The following MRTFB variants were observed in gnomAD, a reference collection of about 807,000 sequenced individuals.
The protein encoded by MRTFB is myocardin related transcription factor B, also known as myocardin-related transcription factor B.
A neutral mutation model predicts 104.2 loss-of-function variants in MRTFB; 29 were observed. That is an observed-to-expected ratio of 0.28 (90% CI 0.21 to 0.38). The LOEUF is 0.38. Among genes scored for constraint, MRTFB ranks in the 10% least tolerant of loss-of-function variants. The pLI is 1.00. For missense variants in MRTFB, 1,270 were observed against 1,341.6 expected (o/e 0.95, Z 0.83); for synonymous variants, 535 against 519.5 (o/e 1.03, Z -0.41).
intron 3 of MRTFB, among the ~76,000 whole-genome samples, chr16:14,145,188 T>C (rs1408686898): frequency 4.0e-5 from 6 of 151,848 alleles, no homozygotes; most frequent in Non-Finnish European, 8.8e-5. Context: ...GTCTTCTTAA[T>C]GCAGTGTTTA....
rs10616011 is a variant in MRTFB, at chr16:14,193,210, CAAAAAAAAAAAAA to C, written c.155-17016_155-17004del. ...CCTGGGCAACAGTGAGACCCTGTCTCAAAAAAAAAAAAAAAAAAAAAAAAAAAAAGAATGATCA... is the reference window on the plus strand; with the variant it reads ...CCTGGGCAACAGTGAGACCCTGTCTCAAAAAAAAAAAAAAAAGAATGATCA... On this transcript the variant is annotated intron_variant, in intron 3 of 16. Transcript: ENST00000571589. 1.0e-3 allele frequency among the ~76,000 whole-genome samples: 57 copies of C among 56,446 alleles called. No homozygotes were observed. The South Asian group carries it at 0.02, about 20-fold the overall frequency. 37.0% of individuals were successfully genotyped at this position (56,446 alleles called of 152,430 possible). A position where few individuals can be genotyped will look rare whatever the true frequency, so the allele number is the denominator to read the frequency against.
At chr16:14,227,130 C>T (rs2042039877) in intron 8 of MRTFB, among the ~76,000 whole-genome samples, 1 of 152,150 alleles carries the variant, frequency 6.6e-6, no homozygotes, top group Non-Finnish European at 1.5e-5. Context: ...CTTCAAACCT[C>T]ATGTCAAAAT....
In MRTFB at chr16:14,159,870, C is replaced by T. The variant is rs544619802; in HGVS notation, c.154+19110C>T. Among the ~76,000 whole-genome samples, 6 of 136,750 alleles carry T rather than the reference C, an allele frequency of 4.4e-5. No individual in the cohort carries two copies. The South Asian group carries it at 9.3e-4, about 21-fold the overall frequency. The allele number at this position is 136,750 out of a possible 152,430, so 89.7% of individuals were successfully genotyped here. On this transcript the variant is annotated intron_variant, in intron 3 of 16. Coordinates refer to ENST00000571589, the MANE Select transcript of MRTFB (RefSeq NM_001308142.2). ...GCGTGAACCCGGGAGGCGGAGCTTG[C>T]AGTGAGCCGAGATCCCGCCACTGCA...
At chr16:14,119,668 T>C (rs1015893993) in intron 2 of MRTFB, among the ~76,000 whole-genome samples, 2 of 152,178 alleles carry the variant, frequency 1.3e-5, no homozygotes, top group Non-Finnish European at 2.9e-5. Context: ...TTTTTGCTTA[T>C]AGGAGAAAAA....
chr16:14,063,088 G>C, the MRTFB span, among the ~76,000 whole-genome samples: 11 of 152,310 alleles, frequency 7.2e-5, no homozygotes, highest in South Asian at 2.3e-3. Flanking sequence ...AGACAGATAG[G>C]TTACAGATAC....
chr16:14,097,006 G>A (rs2035413914), intron 2 of MRTFB, among the ~76,000 whole-genome samples: 1 of 152,176 alleles, frequency 6.6e-6, no homozygotes, highest in South Asian at 2.1e-4. Flanking sequence ...GTCATCATTA[G>A]CATTTATTAT....
chr16:14,136,435 G>T (rs1344419416), intron 2 of MRTFB, among the ~76,000 whole-genome samples: 1 of 152,156 alleles, frequency 6.6e-6, no homozygotes, highest in African/African-American at 2.4e-5. Context: ...GGTTCAGCTA[G>T]ACCATTGATT....
intron 3 of MRTFB, among the ~76,000 whole-genome samples, chr16:14,156,758 A>G (rs1335892982): frequency 3.3e-5 from 5 of 152,324 alleles, no homozygotes; most frequent in Admixed American, 1.3e-4. Context: ...TCTTTTCCTC[A>G]GTATTTGAAT....
At chr16:14,134,262 T>C (rs2037590813) in intron 2 of MRTFB, among the ~76,000 whole-genome samples, 1 of 152,230 alleles carries the variant, frequency 6.6e-6, no homozygotes, top group Non-Finnish European at 1.5e-5. Flanking sequence ...ATTTGCTATT[T>C]TTATAGTATA....
chr16:14,228,087 C>CCA (rs1282798676), intron 8 of MRTFB, among the ~76,000 whole-genome samples: 1 of 152,094 alleles, frequency 6.6e-6, no homozygotes, highest in Non-Finnish European at 1.5e-5. Context: ...CCACAAGATA[C>CCA]CACCTCATGC....
At chr16:14,048,348 G>T in the MRTFB span, among the ~76,000 whole-genome samples, 1 of 152,182 alleles carries the variant, frequency 6.6e-6, no homozygotes, top group Non-Finnish European at 1.5e-5. Flanking sequence ...ATATAAAGTG[G>T]TTGGTGGAGG....
chr16:14,150,579 G>A (rs1455603516), intron 3 of MRTFB, among the ~76,000 whole-genome samples: 1 of 152,144 alleles, frequency 6.6e-6, no homozygotes, highest in East Asian at 1.9e-4. Context: ...TGGGTTTAGT[G>A]TCTCACCCCT....
intron 3 of MRTFB, among the ~76,000 whole-genome samples, chr16:14,173,370 C>G (rs2039483707): frequency 6.6e-6 from 1 of 152,150 alleles, no homozygotes; most frequent in South Asian, 2.1e-4. Context: ...ATTTGCCCTA[C>G]CCTATTTCAG....
chr16:14,154,965 A>G (rs962879471), intron 3 of MRTFB, among the ~76,000 whole-genome samples: 1 of 152,184 alleles, frequency 6.6e-6, no homozygotes, highest in African/African-American at 2.4e-5. Context: ...ATTAGAAGCA[A>G]ATTACTCTAA....
intron 1 of MRTFB, among the ~76,000 whole-genome samples, chr16:14,073,050 T>C (rs1474840237): frequency 2.0e-5 from 3 of 152,220 alleles, no homozygotes; most frequent in Non-Finnish European, 4.4e-5. Context: ...GTTAACGGTG[T>C]GTGGTGTGAG....
intron 2 of MRTFB, among the ~76,000 whole-genome samples, chr16:14,111,988 C>T (rs947884296): frequency 3.3e-5 from 5 of 152,178 alleles, no homozygotes; most frequent in Admixed American, 6.5e-5. Flanking sequence ...GGTACCATCC[C>T]CCCTGATCTC....
chr16:14,222,945 C>T (rs1037938473), intron 8 of MRTFB, among the ~76,000 whole-genome samples: 1 of 151,848 alleles, frequency 6.6e-6, no homozygotes, highest in African/African-American at 2.4e-5. Context: ...ACTTGGGAAG[C>T]TGAGGCAGGA....
chr16:14,142,893 A>G (rs1180351424), intron 3 of MRTFB: 1 of 152,198 alleles, frequency 6.6e-6, no homozygotes, highest in Non-Finnish European at 1.5e-5. Context: ...AATAGATTAA[A>G]TGGTAAAATT....
chr16:14,154,356 G>A (rs1269062309), intron 3 of MRTFB, among the ~76,000 whole-genome samples: 1 of 152,066 alleles, frequency 6.6e-6, no homozygotes, highest in Non-Finnish European at 1.5e-5. Flanking sequence ...TTTTTTAAAT[G>A]TTAAGGATAA....
Sources: gnomAD v4.1 joint callset for allele counts (sites outside exome capture counted in the v4.1 genomes callset) on GRCh38, gnomAD v4.1.1 for gene constraint, MANE v1.5 for transcripts, NCBI Gene and HGNC (gene_info 2026-07-23, HGNC 2026-07-21) for gene names.